AK6: variants seen among roughly 807,000 people sequenced by gnomAD.
The protein encoded by AK6 is adenylate kinase 6, also known as adenylate kinase isoenzyme 6.
Under a neutral mutation model 23.7 loss-of-function variants are expected in AK6, and 24 were observed. The ratio of observed to expected loss-of-function variants is 1.01; its 90% confidence interval spans 0.73 to 1.43. The LOEUF (loss-of-function observed/expected upper bound fraction) is 1.43, where lower values mean the gene tolerates loss of function less well. Ranked by LOEUF, AK6 falls within the 40% of genes most tolerant of loss-of-function variation. The probability of loss-of-function intolerance (pLI) is 0.00; values close to 1 mark genes in which losing one functional copy is unlikely to be tolerated. For synonymous variants in AK6, 73 were observed against 69.8 expected (o/e 1.05, Z -0.23); for missense variants, 191 against 199.1 (o/e 0.96, Z 0.24).
intron 1 of AK6, chr5:69,369,240 C>CCCCCCCCCCCCCCCCCA: frequency 4.4e-6 from 1 of 227,000 alleles, no homozygotes; most frequent in Non-Finnish European, 8.4e-6. Flanking sequence ...CCCCCCGCCC[C>CCCCCCCCCCCCCCCCCA]CCCCCGGAGC....
At chr5:69,368,376 CAGG>C (rs1762604964) in intron 1 of AK6, among the ~76,000 whole-genome samples, 1 of 152,168 alleles carries the variant, frequency 6.6e-6, no homozygotes, top group African/African-American at 2.4e-5. Flanking sequence ...TTCCCATACC[CAGG>C]AGAATAACGG....
At position 69,365,078 on chromosome 5, in the gene AK6, C is replaced by T. The variant is rs774230317; in HGVS notation, c.121+1425G>A. The T allele has an allele frequency of 2.5e-6, 4 of 1,614,088 alleles. No homozygotes were observed. The Admixed American group carries it at 5.0e-5, about 20-fold the overall frequency. On this transcript the variant is annotated intron_variant, in intron 2 of 4. Coordinates refer to ENST00000380822, the MANE Select transcript of AK6 (RefSeq NM_016283.5). ...TAGTGGTAATAAGAATGTTTTTGGA[C>T]CCGATTAATGATGGATTAATCAGAA...
At chr5:69,366,720 T>C (rs1762443151) in intron 1 of AK6, 125 bp from the exon 2 acceptor site, 5 of 705,958 alleles carry the variant, frequency 7.1e-6, no homozygotes, top group Non-Finnish European at 1.2e-5. Flanking sequence ...TAAAAGTTCT[T>C]GACGACTGAA....
Position 69,352,269 on chromosome 5 carries a change from G to C in AK6, c.327-16C>G. The C allele has an allele frequency of 6.3e-7, 1 of 1,587,736 alleles. No individual in the cohort carries two copies. The highest frequency in any genetic ancestry group is 2.3e-5 in the East Asian group (1 of 44,424). ...ATTATAACCCCTAGAAGGCAGGGAG[G>C]TTAAGCAAACAAGAAGCAAAATAAA... On this transcript the variant is annotated splice_polypyrimidine_tract_variant and intron_variant, in intron 4 of 4. Coordinates refer to ENST00000380822, the MANE Select transcript of AK6 (RefSeq NM_016283.5).
chr5:69,352,605 T>A (rs947039575), intron 4 of AK6, among the ~76,000 whole-genome samples: 3 of 152,210 alleles, frequency 2.0e-5, no homozygotes, highest in Admixed American at 1.3e-4. Context: ...GAGTAAATAT[T>A]TCTCCAAGGA....
chr5:69,354,848 C>A (rs757670113), intron 4 of AK6, among the ~76,000 whole-genome samples: 1 of 152,074 alleles, frequency 6.6e-6, no homozygotes, highest in South Asian at 2.1e-4. Context: ...TTGTTTGAGA[C>A]GGAGTCTCAC....
At chr5:69,366,401 ATC>A (rs1278085758) in intron 2 of AK6, 100 bp downstream of exon 2, 7 of 836,838 alleles carry the variant, frequency 8.4e-6, no homozygotes, top group African/African-American at 3.4e-5. Context: ...TTTAATGGCA[ATC>A]TCTGTTTTTT....
chr5:69,355,578 A>G lies in AK6; in HGVS notation c.326+71T>C. Reference sequence around the variant, plus strand: ...AAACAAACAACAACAATCTTTTATCATGGCCAATTTCAGAAATCTGAATAA... The same window carrying G: ...AAACAAACAACAACAATCTTTTATCGTGGCCAATTTCAGAAATCTGAATAA... On this transcript the variant is annotated intron_variant, in intron 4 of 4. Coordinates refer to ENST00000380822, the MANE Select transcript of AK6 (RefSeq NM_016283.5). 2.1e-6 allele frequency: 3 copies of G among 1,406,720 alleles called. No individual in the cohort carries two copies. The Admixed American group carries it at 7.6e-5, about 36-fold the overall frequency. 87.1% of individuals were successfully genotyped at this position (1,406,720 alleles called of 1,614,324 possible).
intron 2 of AK6, chr5:69,365,151 G>A: frequency 6.2e-7 from 1 of 1,614,192 alleles, no homozygotes; most frequent in Non-Finnish European, 8.5e-7. Context: ...TACAGCTGGA[G>A]ACTGAGAAGT....
intron 2 of AK6, among the ~76,000 whole-genome samples, chr5:69,364,322 AT>A (rs1762328132): frequency 6.6e-6 from 1 of 152,078 alleles, no homozygotes; most frequent in African/African-American, 2.4e-5. Flanking sequence ...GATGCTCAAA[AT>A]TAACCTGCAA....
chr5:69,369,238 C>CCCCCCCCCCCCA, intron 1 of AK6: 1 of 156,870 alleles, frequency 6.4e-6, no homozygotes, highest in South Asian at 1.7e-4. Flanking sequence ...CCCCCCCCGC[C>CCCCCCCCCCCCA]CCCCCCCGGA....
At chr5:69,360,843 G>C (rs1762213363) in intron 2 of AK6, among the ~76,000 whole-genome samples, 1 of 152,154 alleles carries the variant, frequency 6.6e-6, no homozygotes, top group African/African-American at 2.4e-5. Flanking sequence ...TAGCTCAGAA[G>C]TCATACAAAA....
intron 1 of AK6, 41 bp downstream of exon 1, chr5:69,369,422 A>C: frequency 2.5e-6 from 4 of 1,603,494 alleles, no homozygotes; most frequent in Non-Finnish European, 3.4e-6. Flanking sequence ...CTGCGCCCCC[A>C]GCCTGCCCCA....
intron 4 of AK6, among the ~76,000 whole-genome samples, 186 bp from the exon 5 acceptor site, chr5:69,352,439 A>C (rs551418388): frequency 1.3e-5 from 2 of 152,280 alleles, no homozygotes; most frequent in East Asian, 3.9e-4. Context: ...GGTGAAACTA[A>C]AGATCACCAA....
rs374785925 is a variant in AK6 at position 69,355,949 on chromosome 5, T to C, written c.126A>G (p.Gln42=). Residue 42 remains glutamine, a synonymous_variant, in exon 3 of 5, where the codon CAA becomes CAG. Coordinates refer to ENST00000380822, the MANE Select transcript of AK6 (RefSeq NM_016283.5). Reference sequence around the variant, plus strand: ...ACTCTTCATCATAGCCATCATACAATTGCTCTAAAAGAGATTTAGAATTGC... The same window carrying C: ...ACTCTTCATCATAGCCATCATACAACTGCTCTAAAAGAGATTTAGAATTGC... The part of the protein sequence containing the change: ...INVGDLAREE[Q]LYDGYDEEYD... 69 of 1,603,906 alleles carry C rather than the reference T, an allele frequency of 4.3e-5. No homozygotes were observed. In the East Asian group the frequency reaches 5.1e-4, roughly 12 times the overall value.
upstream of AK6, chr5:69,369,625 C>T (rs779835685): frequency 7.6e-6 from 12 of 1,570,154 alleles, no homozygotes; most frequent in African/African-American, 8.1e-5. Flanking sequence ...CCCTAGCCTG[C>T]CCCGGCGGCC....
intron 4 of AK6, among the ~76,000 whole-genome samples, chr5:69,353,633 C>T (rs1284287821): frequency 6.6e-6 from 1 of 152,088 alleles, no homozygotes; most frequent in East Asian, 1.9e-4. Flanking sequence ...AATGATTGTA[C>T]AACTTTTTGA....
At chr5:69,363,980 T>A (rs1029733513) in intron 2 of AK6, among the ~76,000 whole-genome samples, 3 of 151,842 alleles carry the variant, frequency 2.0e-5, no homozygotes, top group Admixed American at 1.3e-4. Context: ...TCCAGCTACT[T>A]GGGAGGCTGA....
intron 2 of AK6, among the ~76,000 whole-genome samples, chr5:69,360,869 C>T (rs995095362): frequency 6.6e-6 from 1 of 152,154 alleles, no homozygotes; most frequent in East Asian, 1.9e-4. Flanking sequence ...AGTAGCTTGC[C>T]AACCCCTAGG....
Sources: gnomAD v4.1 joint callset for allele counts (sites outside exome capture counted in the v4.1 genomes callset) on GRCh38, gnomAD v4.1.1 for gene constraint, MANE v1.5 for transcripts, NCBI Gene and HGNC (gene_info 2026-07-23, HGNC 2026-07-21) for gene names.